BMPR1B: variants seen among roughly 807,000 people sequenced by gnomAD.
BMPR1B encodes the protein bone morphogenetic protein receptor type 1B.
BMPR1B carries 12 observed loss-of-function variants against 59.1 expected under a neutral mutation model. That is an observed-to-expected ratio of 0.20 (90% CI 0.13 to 0.33). BMPR1B has a LOEUF of 0.33. Ranked by LOEUF, BMPR1B falls within the 10% of genes least tolerant of loss-of-function variation. BMPR1B has a pLI of 1.00. For synonymous variants in BMPR1B, 237 were observed against 207.3 expected, an observed-to-expected ratio of 1.14 and a Z score of -1.23; for missense variants, 550 against 610.9, an observed-to-expected ratio of 0.90 and a Z score of 1.05.
intron 1 of BMPR1B, among the ~76,000 whole-genome samples, chr4:94,796,331 T>C (rs1723193915): frequency 6.6e-6 from 1 of 152,204 alleles, no homozygotes; most frequent in Non-Finnish European, 1.5e-5. Context: ...TAGTAGTGTT[T>C]AGGTGAAATC....
intron 1 of BMPR1B, among the ~76,000 whole-genome samples, chr4:94,874,349 T>G (rs1726630727): frequency 6.6e-6 from 1 of 152,108 alleles, no homozygotes; most frequent in Non-Finnish European, 1.5e-5. Context: ...ATATAGTAAT[T>G]CTGTTTTTAG....
Position 95,152,743 on chromosome 4 carries a change from C to A in BMPR1B, c.1353C>A (p.Pro451=), listed in dbSNP as rs551844397. The change falls in exon 12 of 13, where the codon CCC becomes CCA. Residue 451 remains proline, a synonymous_variant. Coordinates refer to ENST00000515059, the MANE Select transcript of BMPR1B (RefSeq NM_001203.3). ...TTGTGTGCATCAAGAAGTTACGCCC[C>A]TCATTCCCAAACCGGTGGAGCAGTG... ...REIVCIKKLR[P]SFPNRWSSDE... 2.7e-5 allele frequency: 43 copies of A among 1,610,990 alleles called. 2 individuals carry two copies. The South Asian group carries it at 2.8e-4, about 10-fold the overall frequency.
chr4:94,935,879 C>T (rs967395897), intron 2 of BMPR1B, among the ~76,000 whole-genome samples: 1 of 152,138 alleles, frequency 6.6e-6, no homozygotes, highest in Non-Finnish European at 1.5e-5. Context: ...AATGCCTTAT[C>T]TTTCTAAAGT....
chr4:95,017,949 A>G (rs940111622), intron 3 of BMPR1B, among the ~76,000 whole-genome samples: 13 of 152,192 alleles, frequency 8.5e-5, no homozygotes, highest in African/African-American at 3.1e-4. Flanking sequence ...CAAATTCGGA[A>G]GGTTTCTGTG....
chr4:95,060,980 G>T (rs1727314353), intron 3 of BMPR1B, among the ~76,000 whole-genome samples: 1 of 152,058 alleles, frequency 6.6e-6, no homozygotes, highest in Non-Finnish European at 1.5e-5. Context: ...CATACCCAGG[G>T]AATGACTGTG....
chr4:95,039,171 G>A (rs911928878), intron 3 of BMPR1B, among the ~76,000 whole-genome samples: 4 of 152,070 alleles, frequency 2.6e-5, no homozygotes, highest in African/African-American at 4.8e-5. Flanking sequence ...TGTCAGATGC[G>A]TCACTGGTTT....
intron 2 of BMPR1B, among the ~76,000 whole-genome samples, chr4:94,880,635 ATTTTTTTT>A (rs35455973): frequency 8.0e-6 from 1 of 125,252 alleles, no homozygotes; most frequent in Non-Finnish European, 1.6e-5. Context: ...ATTAAAATGA[ATTTTTTTT>A]TTTTTTTTTT....
rs1215939344 is a variant in BMPR1B at position 94,770,182 on chromosome 4, G to GTTTTTTTTTTTT, written c.-183+12117_-183+12118insTTTTTTTTTTTT. On this transcript the variant is annotated intron_variant, in intron 1 of 12. Transcript: ENST00000515059. ...TGTTTGAATTGTCCTTCGTTTCTGT[G>GTTTTTTTTTTTT]TTTGTTTTTTTTTTTTTTTTTTGCG... Among the ~76,000 whole-genome samples, 33 of 39,976 alleles carry GTTTTTTTTTTTT rather than the reference G, an allele frequency of 8.3e-4. 4 individuals carry two copies. Among genetic ancestry groups the GTTTTTTTTTTTT allele is most frequent in the South Asian group, 3.1e-3 (4 of 1,292 alleles). 26.2% of individuals were successfully genotyped at this position (39,976 alleles called of 152,430 possible).
intron 10 of BMPR1B, among the ~76,000 whole-genome samples, chr4:95,134,141 C>T (rs1404956142): frequency 2.6e-5 from 4 of 152,072 alleles, no homozygotes; most frequent in South Asian, 2.1e-4. Flanking sequence ...TCTGTCCTTG[C>T]GATAGTTTGC....
chr4:94,858,139 A>T (rs1006212172), intron 1 of BMPR1B, among the ~76,000 whole-genome samples: 1 of 151,448 alleles, frequency 6.6e-6, no homozygotes, highest in Non-Finnish European at 1.5e-5. Flanking sequence ...TTTAGTAGAG[A>T]CAGGGTTTCA....
chr4:95,086,909 T>C (rs1729620175), intron 3 of BMPR1B, among the ~76,000 whole-genome samples: 2 of 152,178 alleles, frequency 1.3e-5, no homozygotes, highest in South Asian at 4.1e-4. Context: ...TGATTTGTTT[T>C]CTGGCAAGTA....
chr4:95,133,489 T>C (rs1280029134), intron 10 of BMPR1B, among the ~76,000 whole-genome samples: 2 of 152,200 alleles, frequency 1.3e-5, no homozygotes, highest in Non-Finnish European at 2.9e-5. Context: ...TAACATGCTT[T>C]TATCATTACC....
chr4:94,852,784 T>A (rs1725615546), intron 1 of BMPR1B, among the ~76,000 whole-genome samples: 1 of 152,176 alleles, frequency 6.6e-6, no homozygotes, highest in South Asian at 2.1e-4. Flanking sequence ...TGATCTTCCC[T>A]TGGGAGCTAC....
intron 1 of BMPR1B, among the ~76,000 whole-genome samples, chr4:94,850,252 G>GCCT (rs138833647): frequency 0.12 from 17,919 of 148,444 alleles, 1,098 homozygotes; most frequent in Non-Finnish European, 0.14. Flanking sequence ...ACCTAGGACT[G>GCCT]CCTCTTCAAG....
rs530579763 is a variant in BMPR1B, at chr4:94,777,982, C to T, written c.-183+19914C>T. ...CGGAGGTTGCAGTGAGTTGAGATTG[C>T]GGCATTGCACTCCAGCCTGGGCGAC... On this transcript the variant is annotated intron_variant, in intron 1 of 12. Transcript: ENST00000515059. 2.0e-3 allele frequency among the ~76,000 whole-genome samples: 297 copies of T among 151,472 alleles called. 4 individuals carry two copies. The highest frequency in any genetic ancestry group is 6.9e-3 in the African/African-American group (286 of 41,228).
chr4:95,006,798 C>G (rs1361921748), intron 3 of BMPR1B, among the ~76,000 whole-genome samples: 2 of 152,028 alleles, frequency 1.3e-5, no homozygotes, highest in Admixed American at 1.3e-4. Context: ...CTCGGCCTCC[C>G]AAAGTGCTAG....
chr4:94,884,195 G>A (rs1310673772), intron 2 of BMPR1B, among the ~76,000 whole-genome samples: 2 of 152,096 alleles, frequency 1.3e-5, no homozygotes, highest in Non-Finnish European at 2.9e-5. Context: ...TGGAGTAAAC[G>A]TCTTAACTAA....
rs1734153238 is a variant in BMPR1B, at chr4:95,140,530, C to T, written c.1077-8218C>T. Among the ~76,000 whole-genome samples the T allele has an allele frequency of 1.3e-5, 2 of 152,064 alleles. 1 individual carries two copies. Among genetic ancestry groups the T allele is most frequent in the South Asian group, 4.1e-4 (2 of 4,826 alleles). ...CCCTGATTTTCCATGTATCTTAATC[C>T]AGTCTCAGAATCACCTCTAAGTCAC... On this transcript the variant is annotated intron_variant, in intron 10 of 12. Coordinates refer to ENST00000515059, the MANE Select transcript of BMPR1B (RefSeq NM_001203.3).
chr4:94,830,321 A>G (rs1468073231), intron 1 of BMPR1B, among the ~76,000 whole-genome samples: 2 of 152,336 alleles, frequency 1.3e-5, no homozygotes, highest in South Asian at 2.1e-4. Context: ...TTCTATTCAT[A>G]TATGTGTTCA....
Sources: gnomAD v4.1 joint callset for allele counts (sites outside exome capture counted in the v4.1 genomes callset) on GRCh38, gnomAD v4.1.1 for gene constraint, MANE v1.5 for transcripts, NCBI Gene and HGNC (gene_info 2026-07-23, HGNC 2026-07-21) for gene names.